Variants in CTDSPL observed in about 807,000 individuals in gnomAD.
CTDSPL encodes CTD small phosphatase-like protein.
Under a neutral mutation model 30.5 loss-of-function variants are expected in CTDSPL, and 8 were observed. The observed-to-expected ratio is 0.26, with a 90% confidence interval of 0.15 to 0.47. The LOEUF (loss-of-function observed/expected upper bound fraction) is 0.47. Ranked by LOEUF, CTDSPL falls within the 20% of genes least tolerant of loss-of-function variation. The pLI is 0.99. For synonymous variants in CTDSPL, 110 were observed against 137.9 expected, an observed-to-expected ratio of 0.80 and a Z score of 1.42; for missense variants, 248 against 366.1, an observed-to-expected ratio of 0.68 and a Z score of 2.63.
chr3:37,865,081 T>C (rs1697994086), intron 1 of CTDSPL, among the ~76,000 whole-genome samples: 1 of 152,240 alleles, frequency 6.6e-6, no homozygotes, highest in Non-Finnish European at 1.5e-5. Context: ...GAATTACTTC[T>C]TGACACATTG....
At position 37,984,267 on chromosome 3, in the gene CTDSPL, C is replaced by G. The variant is rs575963533; in HGVS notation, c.*3400C>G. On this transcript the variant is annotated 3_prime_UTR_variant, in exon 8 of 8. Coordinates refer to ENST00000273179, the MANE Select transcript of CTDSPL (RefSeq NM_001008392.2). Reference sequence around the variant, plus strand: ...TCCCAGGAGCTTCTCTGCAGACTGACACACCCTCCCCCACCCCGGGTAGTG... The same window carrying G: ...TCCCAGGAGCTTCTCTGCAGACTGAGACACCCTCCCCCACCCCGGGTAGTG... 15 of 456,864 alleles carry G rather than the reference C, an allele frequency of 3.3e-5. No individual in the cohort carries two copies. The highest frequency in any genetic ancestry group is 5.7e-5 in the Non-Finnish European group (13 of 227,062). The allele number at this position is 456,864 out of a possible 1,614,324, so 28.3% of individuals were successfully genotyped here. A position where few individuals can be genotyped will look rare whatever the true frequency, so the allele number is the denominator to read the frequency against.
chr3:37,952,369 G>T (rs547742086), intron 2 of CTDSPL, among the ~76,000 whole-genome samples: 5 of 152,202 alleles, frequency 3.3e-5, no homozygotes, highest in Non-Finnish European at 7.3e-5. Flanking sequence ...TCAAGAATCT[G>T]TTCTTCTGTC....
At chr3:37,945,051 C>CT (rs1477092137) in intron 1 of CTDSPL, among the ~76,000 whole-genome samples, 1 of 150,262 alleles carries the variant, frequency 6.7e-6, no homozygotes, top group Non-Finnish European at 1.5e-5. Flanking sequence ...TGGGAAGGTG[C>CT]TTTCTGCAGA....
intron 1 of CTDSPL, among the ~76,000 whole-genome samples, chr3:37,874,622 C>T (rs922819447): frequency 2.6e-5 from 4 of 152,070 alleles, no homozygotes; most frequent in African/African-American, 7.2e-5. Context: ...CCCAGCTGCT[C>T]GGGAGGCTGA....
In CTDSPL at chr3:37,874,753, T is replaced by A. The variant is rs1023997762; in HGVS notation, c.79+12475T>A. Among the ~76,000 whole-genome samples the A allele has an allele frequency of 3.3e-5, 5 of 151,580 alleles. No individual in the cohort carries two copies. The East Asian group carries it at 9.7e-4, about 29-fold the overall frequency. On this transcript the variant is annotated intron_variant, in intron 1 of 7. Transcript: ENST00000273179. ...CAAAAAATAATAATAATAATAATAATAAATAAATACAGACAGACACACGCA... is the reference window on the plus strand; with the variant it reads ...CAAAAAATAATAATAATAATAATAAAAAATAAATACAGACAGACACACGCA...
intron 1 of CTDSPL, among the ~76,000 whole-genome samples, chr3:37,892,317 A>G (rs1698337137): frequency 6.6e-6 from 1 of 152,232 alleles, no homozygotes. Flanking sequence ...AAAAGGCTAA[A>G]TGAAGGAATA....
chr3:37,909,452 A>G (rs936449992), intron 1 of CTDSPL, among the ~76,000 whole-genome samples: 3 of 152,262 alleles, frequency 2.0e-5, no homozygotes, highest in African/African-American at 7.2e-5. Flanking sequence ...GGCTCACCCC[A>G]GACTGCCTGT....
Position 37,889,753 on chromosome 3 carries a change from G to A in CTDSPL, c.79+27475G>A, listed in dbSNP as rs549292193. Among the ~76,000 whole-genome samples, 265 of 152,258 alleles carry A rather than the reference G, an allele frequency of 1.7e-3. 2 individuals carry two copies. Among genetic ancestry groups the A allele is most frequent in the African/African-American group, 5.9e-3 (243 of 41,534 alleles). Reference sequence around the variant, plus strand: ...AGAAATAATCATAAAAGCTTTTGGAGGGGGAAAACTTGTCCCAAACAAACT... The same window carrying A: ...AGAAATAATCATAAAAGCTTTTGGAAGGGGAAAACTTGTCCCAAACAAACT... On this transcript the variant is annotated intron_variant, in intron 1 of 7. Coordinates refer to ENST00000273179, the MANE Select transcript of CTDSPL (RefSeq NM_001008392.2).
chr3:37,920,827 G>C (rs935868217), intron 1 of CTDSPL, among the ~76,000 whole-genome samples: 1 of 152,200 alleles, frequency 6.6e-6, no homozygotes, highest in Non-Finnish European at 1.5e-5. Flanking sequence ...CAAATGGCTT[G>C]GTCTGATTTG....
At chr3:37,916,036 C>T (rs1698641831) in intron 1 of CTDSPL, among the ~76,000 whole-genome samples, 1 of 152,156 alleles carries the variant, frequency 6.6e-6, no homozygotes, top group African/African-American at 2.4e-5. Context: ...TACCTTTAGG[C>T]TTGGGTATAG....
At chr3:37,915,001 T>C (rs1698629084) in intron 1 of CTDSPL, among the ~76,000 whole-genome samples, 1 of 150,926 alleles carries the variant, frequency 6.6e-6, no homozygotes, top group African/African-American at 2.4e-5. Context: ...CCTCCTGCCT[T>C]GGCCTTCCAA....
intron 1 of CTDSPL, among the ~76,000 whole-genome samples, chr3:37,900,977 A>G (rs558786436): frequency 4.1e-4 from 62 of 152,216 alleles, no homozygotes; most frequent in African/African-American, 1.5e-3. Flanking sequence ...TTGTATTTAT[A>G]GTAGAGACGG....
At chr3:37,960,531 TATATACACACACACACACACACACAC>T (rs1699231657) in intron 3 of CTDSPL, among the ~76,000 whole-genome samples, 1 of 47,314 alleles carries the variant, frequency 2.1e-5, no homozygotes, top group African/African-American at 1.1e-4. Context: ...TATATATATA[TATATACACACACACACACACACACAC>T]ACACACACAC....
chr3:37,905,460 C>T (rs1415204737), intron 1 of CTDSPL, among the ~76,000 whole-genome samples: 1 of 152,136 alleles, frequency 6.6e-6, no homozygotes, highest in Non-Finnish European at 1.5e-5. Flanking sequence ...TTAAAATATC[C>T]TGGAGTTTTT....
At chr3:37,928,645 G>A (rs1194009612) in intron 1 of CTDSPL, among the ~76,000 whole-genome samples, 4 of 152,058 alleles carry the variant, frequency 2.6e-5, no homozygotes, top group South Asian at 2.1e-4. Flanking sequence ...TTTTGTTGTC[G>A]TTCTGCATTG....
Position 37,957,031 on chromosome 3 carries a change from C to T in CTDSPL, c.235-80C>T. ...TGGCAGATCATGCAGCTGCTGTGCT[C>T]AAGAGGGCTTTGAAGTTTCTTTTGA... On this transcript the variant is annotated intron_variant, in intron 2 of 7. Coordinates refer to ENST00000273179, the MANE Select transcript of CTDSPL (RefSeq NM_001008392.2). 3 of 1,161,770 alleles carry T rather than the reference C, an allele frequency of 2.6e-6. No individual in the cohort carries two copies. The South Asian group carries it at 3.9e-5, about 15-fold the overall frequency. The allele number at this position is 1,161,770 out of a possible 1,614,324, so 72.0% of individuals were successfully genotyped here. A position where few individuals can be genotyped will look rare whatever the true frequency, so the allele number is the denominator to read the frequency against.
Position 37,980,843 on chromosome 3 carries a change from G to A in CTDSPL, c.807G>A (p.Met269Ile). ...GLSREDDVYS[M>I]LHRLCNR is the part of the protein sequence containing the mutation. ...GCCGGGAGGACGACGTGTACAGCAT[G>A]CTGCACAGACTCTGCAATAGGTAGC... is the stretch of plus-strand genomic sequence containing the variant. Residue 269 changes from methionine to isoleucine, a missense_variant, in exon 8 of 8, where the codon ATG becomes ATA. Transcript: ENST00000273179. 1 of 1,614,122 alleles carries A rather than the reference G, an allele frequency of 6.2e-7. No homozygotes were observed. The highest frequency in any genetic ancestry group is 8.5e-7 in the Non-Finnish European group (1 of 1,180,014).
At chr3:37,939,318 C>T (rs561481748) in intron 1 of CTDSPL, among the ~76,000 whole-genome samples, 11 of 150,280 alleles carry the variant, frequency 7.3e-5, no homozygotes, top group African/African-American at 1.9e-4. Context: ...ATTGTTGCTA[C>T]GGAGGTAGGT....
chr3:37,983,559 G>C lies in CTDSPL; in HGVS notation c.*2692G>C, dbSNP rs1330891371. ...AGCCAAAAGAGAACCCTGACCTCCT[G>C]AGTTTCCATGCTCCTTTCTGTACCA... On this transcript the variant is annotated 3_prime_UTR_variant, in exon 8 of 8. Transcript: ENST00000273179. 1 of 152,550 alleles carries C rather than the reference G, an allele frequency of 6.6e-6. No homozygotes were observed. Among genetic ancestry groups the C allele is most frequent in the East Asian group, 1.9e-4 (1 of 5,192 alleles). The allele number at this position is 152,550 out of a possible 1,614,324, so 9.4% of individuals were successfully genotyped here.
Sources: gnomAD v4.1 joint callset for allele counts (sites outside exome capture counted in the v4.1 genomes callset) on GRCh38, gnomAD v4.1.1 for gene constraint, MANE v1.5 for transcripts, NCBI Gene and HGNC (gene_info 2026-07-23, HGNC 2026-07-21) for gene names.